Variants in TENM4 observed in about 807,000 individuals in gnomAD.
TENM4 encodes teneurin transmembrane protein 4.
In TENM4, 82 loss-of-function variants were observed where a neutral mutation model predicts 243.3. The observed-to-expected ratio is 0.34, with a 90% CI of 0.28 to 0.40. The LOEUF (loss-of-function observed/expected upper bound fraction) is 0.40, where lower values mean the gene tolerates loss of function less well. Ranked by LOEUF, TENM4 falls within the 10% of genes least tolerant of loss-of-function variation. The pLI is 1.00. For missense variants in TENM4, 3,138 were observed against 3,673.3 expected (o/e 0.85, Z 3.77); for synonymous variants, 1,412 against 1,456.3 (o/e 0.97, Z 0.69).
chr11:78,732,410 T>C lies in TENM4; in HGVS notation c.3044A>G (p.Asn1015Ser), dbSNP rs773841864. Residue 1015 changes from asparagine to serine, a missense_variant, in exon 21 of 34, where the codon AAT becomes AGT. Asn to Ser is a conservative substitution (Grantham distance 46, BLOSUM62 1). This residue lies in a region of TENM4 where 2,467 missense variants were observed against 3,059.1 expected (regional missense o/e 0.81). Coordinates refer to ENST00000278550, the MANE Select transcript of TENM4 (RefSeq NM_001098816.3). Reference protein sequence around the residue: ...ENEIPSCDLSNFARPNPVVSP... With the variant: ...ENEIPSCDLSSFARPNPVVSP... The stretch of plus-strand genomic sequence containing the variant: ...GACGACTGGGTTGGGGCGGGCAAAA[T>C]TGCTCAGGTCACAGCTGGGAATCTC... The C allele has an allele frequency of 5.3e-5, 86 of 1,613,642 alleles. No homozygotes were observed. The Admixed American group carries it at 1.3e-3, about 23-fold the overall frequency.
intron 21 of TENM4, among the ~76,000 whole-genome samples, chr11:78,731,390 G>A (rs145743432): frequency 0.012 from 1,852 of 152,324 alleles, 16 homozygotes; most frequent in Non-Finnish European, 0.019. Flanking sequence ...CTTGTTGGCT[G>A]GCATCGGAAG....
intron 9 of TENM4, among the ~76,000 whole-genome samples, chr11:78,888,282 G>C (rs1855588547): frequency 6.6e-6 from 1 of 152,200 alleles, no homozygotes; most frequent in Non-Finnish European, 1.5e-5. Flanking sequence ...TATAGCCCCA[G>C]TATCTTCCTC....
intron 12 of TENM4, among the ~76,000 whole-genome samples, chr11:78,851,840 G>C (rs1167028108): frequency 6.6e-6 from 1 of 152,220 alleles, no homozygotes; most frequent in East Asian, 1.9e-4. Context: ...CAGTGACTCT[G>C]AGCTGCAGCC....
intron 4 of TENM4, among the ~76,000 whole-genome samples, chr11:79,140,524 G>A (rs1862267578): frequency 6.6e-6 from 1 of 152,044 alleles, no homozygotes; most frequent in Non-Finnish European, 1.5e-5. Flanking sequence ...TCTTGTGTGA[G>A]GCTCAGACTG....
chr11:79,227,582 AG>A (rs1456507885), intron 2 of TENM4, among the ~76,000 whole-genome samples: 1 of 152,188 alleles, frequency 6.6e-6, no homozygotes, highest in Non-Finnish European at 1.5e-5. Flanking sequence ...GAAGAGTGAT[AG>A]GTGGGGCCAC....
chr11:78,913,932 C>T (rs1856256262), intron 6 of TENM4, among the ~76,000 whole-genome samples: 1 of 152,044 alleles, frequency 6.6e-6, no homozygotes, highest in Non-Finnish European at 1.5e-5. Flanking sequence ...AGGACTGATG[C>T]TGTTAGCCTG....
chr11:78,663,034 G>A (rs962918071), intron 32 of TENM4, among the ~76,000 whole-genome samples: 2 of 152,206 alleles, frequency 1.3e-5, no homozygotes, highest in Non-Finnish European at 2.9e-5. Flanking sequence ...GCTCAGCAAG[G>A]TTGAGAAAGA....
In TENM4 at chr11:79,106,042, C is replaced by G. The variant is rs139103234; in HGVS notation, c.-65-36033G>C. On this transcript the variant is annotated intron_variant, in intron 4 of 33. Coordinates refer to ENST00000278550, the MANE Select transcript of TENM4 (RefSeq NM_001098816.3). ...TTATTTTTAACAAATTACCTAGATTCTAGTCACCACGCTAATGTCTCACAC... is the reference window on the plus strand; with the variant it reads ...TTATTTTTAACAAATTACCTAGATTGTAGTCACCACGCTAATGTCTCACAC... Among the ~76,000 whole-genome samples the G allele has an allele frequency of 2.9e-4, 44 of 152,366 alleles. 1 individual carries two copies. Among genetic ancestry groups the G allele is most frequent in the African/African-American group, 1.1e-3 (44 of 41,590 alleles).
Position 78,786,992 on chromosome 11 carries a change from C to A in TENM4, c.2271G>T (p.Gln757His). The A allele has an allele frequency of 6.3e-7, 1 of 1,576,214 alleles. No homozygotes were observed. ...CGGCACAGCGCGGGTGGCAGGCCCG[C>A]TGGTCGCAGGCTGCCCCCATCCAGC... ...EDGWMGAACD[Q>H]RACHPRCAEH... Residue 757 changes from glutamine (Q) to histidine (H), a missense_variant, in exon 16 of 34, where the codon CAG (glutamine) becomes CAT (histidine). Physicochemically the swap from Gln to His is conservative, Grantham distance 24. This residue lies in a region of TENM4 where 2,467 missense variants were observed against 3,059.1 expected (regional missense o/e 0.81). Coordinates refer to ENST00000278550, the MANE Select transcript of TENM4 (RefSeq NM_001098816.3).
At chr11:78,853,655 C>T (rs1037552436) in intron 12 of TENM4, among the ~76,000 whole-genome samples, 2 of 152,200 alleles carry the variant, frequency 1.3e-5, no homozygotes, top group Admixed American at 1.3e-4. Context: ...AAGCCTGTAT[C>T]CTCTTTTCTC....
At chr11:79,224,562 G>C (rs1272766842) in intron 2 of TENM4, among the ~76,000 whole-genome samples, 1 of 152,090 alleles carries the variant, frequency 6.6e-6, no homozygotes, top group Non-Finnish European at 1.5e-5. Flanking sequence ...TGCAGAGTGG[G>C]GCCTTATTTG....
intron 6 of TENM4, among the ~76,000 whole-genome samples, chr11:78,918,636 C>T (rs879877888): frequency 6.6e-5 from 10 of 152,108 alleles, no homozygotes; most frequent in Non-Finnish European, 1.0e-4. Flanking sequence ...ATGTAAGATG[C>T]AATGCAGAGG....
chr11:78,863,172 A>T (rs1409539107), intron 9 of TENM4, 40 bp from the exon 10 acceptor site: 4 of 1,443,204 alleles, frequency 2.8e-6, no homozygotes, highest in Non-Finnish European at 3.7e-6. Flanking sequence ...TTTCTGCTGG[A>T]GGCAGAAACG....
chr11:78,921,278 C>G, intron 6 of TENM4, among the ~76,000 whole-genome samples: 1 of 152,154 alleles, frequency 6.6e-6, no homozygotes, highest in Non-Finnish European at 1.5e-5. Context: ...GGGGAGATGC[C>G]TGGGTCTGTC....
intron 2 of TENM4, among the ~76,000 whole-genome samples, chr11:79,267,827 C>T (rs1224641123): frequency 6.6e-6 from 1 of 152,136 alleles, no homozygotes; most frequent in Non-Finnish European, 1.5e-5. Flanking sequence ...TTACAGAGCC[C>T]AGGTCCTGCC....
In TENM4 at chr11:79,069,838, T is replaced by C. The variant is rs1438773048; in HGVS notation, c.107A>G (p.Gln36Arg). The change falls in exon 5 of 34, where the codon CAG (glutamine) becomes CGG (arginine). Residue 36 changes from glutamine to arginine, a missense_variant. By Grantham distance (43) the Gln-to-Arg change is conservative. Coordinates refer to ENST00000278550, the MANE Select transcript of TENM4 (RefSeq NM_001098816.3). ...GGTCTCGCTGGAGCTGTACGATTTC[T>C]GCGGGGCTTTGCCCTCCTCGCTGTC... Reference protein sequence around the residue: ...SADSEEGKAPQKSYSSSETLK... With the variant: ...SADSEEGKAPRKSYSSSETLK... 1.9e-6 allele frequency: 3 copies of C among 1,550,726 alleles called. No homozygotes were observed. The highest frequency in any genetic ancestry group is 3.9e-5 in the Admixed American group (2 of 50,994).
chr11:79,029,042 G>A (rs1448560629), intron 6 of TENM4, among the ~76,000 whole-genome samples: 4 of 152,088 alleles, frequency 2.6e-5, no homozygotes, highest in African/African-American at 7.2e-5. Context: ...CTCACATTTT[G>A]CATCCTTTCA....
intron 4 of TENM4, among the ~76,000 whole-genome samples, chr11:79,119,724 C>T (rs1861701168): frequency 6.6e-6 from 1 of 152,166 alleles, no homozygotes; most frequent in Non-Finnish European, 1.5e-5. Flanking sequence ...CAGCCTCTTG[C>T]TCCAATGGGG....
intron 6 of TENM4, among the ~76,000 whole-genome samples, chr11:78,916,682 G>C (rs544908367): frequency 7.8e-4 from 119 of 152,284 alleles, no homozygotes; most frequent in Middle Eastern, 3.4e-3. Flanking sequence ...GAACAGTATA[G>C]AGTAGGACTT....
Sources: gnomAD v4.1 joint callset for allele counts (sites outside exome capture counted in the v4.1 genomes callset) on GRCh38, gnomAD v4.1.1 for gene constraint, gnomAD v4.1.1 regional missense constraint, MANE v1.5 for transcripts, NCBI Gene and HGNC (gene_info 2026-07-23, HGNC 2026-07-21) for gene names.